Variants in ATP10D observed in about 807,000 individuals in gnomAD.
ATP10D encodes ATPase phospholipid transporting 10D (putative).
In ATP10D, 89 loss-of-function variants were observed where a neutral mutation model predicts 144.8. That is an observed-to-expected ratio of 0.61 (90% CI 0.52 to 0.73). The LOEUF (loss-of-function observed/expected upper bound fraction) is 0.73, where lower values mean the gene tolerates loss of function less well. Among genes scored for constraint, ATP10D ranks in the 30% least tolerant of loss-of-function variants. The probability of loss-of-function intolerance (pLI) is 0.00; values close to 1 mark genes in which losing one functional copy is unlikely to be tolerated. For synonymous variants in ATP10D, 571 were observed against 615.1 expected (o/e 0.93, Z 1.06); for missense variants, 1,603 against 1,714.8 (o/e 0.93, Z 1.15).
At chr4:47,526,063 A>T (rs1030369553) in intron 5 of ATP10D, among the ~76,000 whole-genome samples, 1 of 152,228 alleles carries the variant, frequency 6.6e-6, no homozygotes, top group South Asian at 2.1e-4. Context: ...TGAAATGAGA[A>T]TTATCCTGAT....
At chr4:47,559,947 C>G (rs1719208504) in intron 13 of ATP10D, among the ~76,000 whole-genome samples, 1 of 152,148 alleles carries the variant, frequency 6.6e-6, no homozygotes, top group South Asian at 2.1e-4. Context: ...TTGCAGTGAA[C>G]TGAGATTGCG....
At chr4:47,584,444 G>C (rs958501291) in intron 21 of ATP10D, among the ~76,000 whole-genome samples, 1 of 152,134 alleles carries the variant, frequency 6.6e-6, no homozygotes, top group Non-Finnish European at 1.5e-5. Context: ...CCAGGCTGGA[G>C]TGCAGTGGCA....
intron 5 of ATP10D, among the ~76,000 whole-genome samples, chr4:47,531,238 G>T (rs1717553906): frequency 6.6e-6 from 1 of 152,170 alleles, no homozygotes; most frequent in East Asian, 1.9e-4. Flanking sequence ...ACTGGATACA[G>T]ACATCTGATA....
intron 1 of ATP10D, 93 bp from the exon 2 acceptor site, chr4:47,512,411 T>TA (rs1218423043): frequency 3.8e-6 from 3 of 794,304 alleles, no homozygotes; most frequent in African/African-American, 3.5e-5. Context: ...CATTGGGTCA[T>TA]ATATTTATTT....
chr4:47,512,313 C>T (rs1716377326), intron 1 of ATP10D, among the ~76,000 whole-genome samples, 191 bp from the exon 2 acceptor site: 1 of 152,202 alleles, frequency 6.6e-6, no homozygotes, highest in Non-Finnish European at 1.5e-5. Flanking sequence ...TGATCAGATG[C>T]TTAGCCCATG....
intron 1 of ATP10D, among the ~76,000 whole-genome samples, chr4:47,492,292 C>T (rs181170830): frequency 6.6e-4 from 100 of 152,272 alleles, no homozygotes; most frequent in Non-Finnish European, 1.2e-3. Flanking sequence ...ATCTGTTTGT[C>T]AAACTTGTGT....
chr4:47,555,392 A>T (rs1374197881), intron 11 of ATP10D, among the ~76,000 whole-genome samples: 1 of 152,154 alleles, frequency 6.6e-6, no homozygotes, highest in Non-Finnish European at 1.5e-5. Context: ...TGGTGCCAAA[A>T]AGGTTGAGGA....
At chr4:47,516,535 T>C (rs1351336262) in intron 3 of ATP10D, among the ~76,000 whole-genome samples, 1 of 152,204 alleles carries the variant, frequency 6.6e-6, no homozygotes, top group Non-Finnish European at 1.5e-5. Flanking sequence ...TAACTTGTCT[T>C]CAATCTTATG....
intron 15 of ATP10D, among the ~76,000 whole-genome samples, chr4:47,568,426 A>G (rs189946901): frequency 1.9e-4 from 29 of 152,350 alleles, no homozygotes; most frequent in Admixed American, 1.8e-3. Flanking sequence ...ATTTTGCTTA[A>G]TCCTCACAAC....
intron 1 of ATP10D, among the ~76,000 whole-genome samples, chr4:47,499,655 G>GA (rs1296167826): frequency 2.0e-5 from 3 of 152,268 alleles, no homozygotes; most frequent in African/African-American, 7.2e-5. Context: ...TCTCAGAGAA[G>GA]AAAATTTATT....
At chr4:47,534,725 T>A (rs1717751430) in intron 5 of ATP10D, among the ~76,000 whole-genome samples, 2 of 152,174 alleles carry the variant, frequency 1.3e-5, no homozygotes, top group Admixed American at 1.3e-4. Flanking sequence ...CCCTCATCAA[T>A]TACTAAGTTA....
chr4:47,546,058 C>T (rs1718406428), intron 9 of ATP10D, among the ~76,000 whole-genome samples: 1 of 152,092 alleles, frequency 6.6e-6, no homozygotes, highest in Non-Finnish European at 1.5e-5. Flanking sequence ...GTTAGAGAAA[C>T]CAAAAGAGAC....
At chr4:47,582,457 T>C (rs1418696709) in intron 21 of ATP10D, among the ~76,000 whole-genome samples, 5 of 152,144 alleles carry the variant, frequency 3.3e-5, no homozygotes, top group Admixed American at 2.0e-4. Flanking sequence ...ATAGAAAAAA[T>C]CTTTTTTGGC....
chr4:47,572,324 C>T lies in ATP10D; in HGVS notation c.3240+94C>T, dbSNP rs551391133. 8 of 1,120,892 alleles carry T rather than the reference C, an allele frequency of 7.1e-6. No individual in the cohort carries two copies. In the South Asian group the frequency reaches 1.1e-4, roughly 15 times the overall value. The allele number at this position is 1,120,892 out of a possible 1,614,324, so 69.4% of individuals were successfully genotyped here. A position where few individuals can be genotyped will look rare whatever the true frequency, so the allele number is the denominator to read the frequency against. On this transcript the variant is annotated intron_variant, in intron 17 of 22. Coordinates refer to ENST00000273859, the MANE Select transcript of ATP10D (RefSeq NM_020453.4). ...GTAAATTCTCTGTGGCAGAGTGAGG[C>T]TGTGTGTGGCTAGCTGAGGAGTGGG...
At chr4:47,553,556 G>T (rs1044288929) in intron 10 of ATP10D, among the ~76,000 whole-genome samples, 1 of 152,174 alleles carries the variant, frequency 6.6e-6, no homozygotes, top group Non-Finnish European at 1.5e-5. Context: ...TGTTCTACTG[G>T]TCTCATCTTA....
At position 47,563,762 on chromosome 4, in the gene ATP10D, T is replaced by A; in HGVS notation, c.2850T>A (p.Ser950Arg). The change falls in exon 15 of 23, where the codon AGT becomes AGA. Residue 950 changes from serine to arginine, a missense_variant. By Grantham distance (110) the Ser-to-Arg change is moderately radical. Coordinates refer to ENST00000273859, the MANE Select transcript of ATP10D (RefSeq NM_020453.4). ...AGCTTTTTATCCTCAATACCCAAAG[T>A]AAAGTGCGTATATTGAGATTAAATC... ...DDKLFILNTQ[S>R]KDACGMLMST... The A allele has an allele frequency of 6.2e-7, 1 of 1,601,344 alleles. No homozygotes were observed. The highest frequency in any genetic ancestry group is 8.5e-7 in the Non-Finnish European group (1 of 1,174,352).
chr4:47,520,863 G>T (rs557025712), intron 3 of ATP10D, among the ~76,000 whole-genome samples: 1 of 152,066 alleles, frequency 6.6e-6, no homozygotes, highest in Non-Finnish European at 1.5e-5. Flanking sequence ...CACCGTGCCC[G>T]GCCTCTGTAA....
intron 14 of ATP10D, among the ~76,000 whole-genome samples, chr4:47,562,832 A>AATATAT (rs148667924): frequency 4.6e-5 from 7 of 151,504 alleles, no homozygotes; most frequent in African/African-American, 1.5e-4. Flanking sequence ...AATGTGATAT[A>AATATAT]ATATATATAT....
chr4:47,509,770 A>G (rs1716213921), intron 1 of ATP10D, among the ~76,000 whole-genome samples: 1 of 152,138 alleles, frequency 6.6e-6, no homozygotes, highest in African/African-American at 2.4e-5. Flanking sequence ...GCTTTGTGTG[A>G]AGCCACACAC....
Sources: gnomAD v4.1 joint callset for allele counts (sites outside exome capture counted in the v4.1 genomes callset) on GRCh38, gnomAD v4.1.1 for gene constraint, MANE v1.5 for transcripts, NCBI Gene and HGNC (gene_info 2026-07-23, HGNC 2026-07-21) for gene names.